Variants in LDHB observed in about 807,000 individuals in gnomAD.
LDHB encodes lactate dehydrogenase B.
Under a neutral mutation model 33.4 loss-of-function variants are expected in LDHB, and 18 were observed. The ratio of observed to expected loss-of-function variants is 0.54; its 90% CI spans 0.37 to 0.80. LDHB has a LOEUF of 0.80. Among genes scored for constraint, LDHB ranks in the 30% least tolerant of loss-of-function variants. The probability of loss-of-function intolerance (pLI) is 0.00; values close to 1 mark genes in which losing one functional copy is unlikely to be tolerated. For synonymous variants in LDHB, 121 were observed against 140.6 expected (o/e 0.86, Z 0.98); for missense variants, 345 against 407.9 (o/e 0.85, Z 1.33).
chr12:21,641,126 G>A (rs1938359869), intron 5 of LDHB, among the ~76,000 whole-genome samples: 1 of 152,124 alleles, frequency 6.6e-6, no homozygotes, highest in Non-Finnish European at 1.5e-5. Context: ...TGAGGAGTCA[G>A]ACATTTTCCT....
intron 1 of LDHB, among the ~76,000 whole-genome samples, chr12:21,655,748 C>T (rs942428134): frequency 6.6e-6 from 1 of 152,016 alleles, no homozygotes; most frequent in African/African-American, 2.4e-5. Flanking sequence ...AAAACAAAAC[C>T]GAAACCTGTT....
chr12:21,654,365 A>T (rs2136983996), intron 2 of LDHB, 178 bp downstream of exon 2: 1 of 623,684 alleles, frequency 1.6e-6, no homozygotes. Context: ...GGAGAATATA[A>T]TTCTTTTAGG....
At chr12:21,644,207 C>G (rs1938451859) in intron 3 of LDHB, 99 bp from the exon 4 acceptor site, 1 of 872,148 alleles carries the variant, frequency 1.1e-6, no homozygotes, top group Admixed American at 2.2e-5. Context: ...ACATAAGCTT[C>G]TAGAACATAT....
rs1565629895 is a variant in LDHB, at chr12:21,650,149, C to CT, written c.130-3134_130-3133insA. ...ACACACACACACACACACACACACA[C>CT]ACGTCTCTCTCTCCAAGTGTTTAGT... On this transcript the variant is annotated intron_variant, in intron 2 of 7. Transcript: ENST00000350669. Among the ~76,000 whole-genome samples the CT allele has an allele frequency of 6.9e-5, 10 of 145,754 alleles. 1 individual carries two copies. Among genetic ancestry groups the CT allele is most frequent in the African/African-American group, 2.7e-4 (10 of 37,586 alleles).
chr12:21,650,597 T>A (rs1446453364), intron 2 of LDHB, among the ~76,000 whole-genome samples: 2 of 152,168 alleles, frequency 1.3e-5, no homozygotes, highest in Non-Finnish European at 2.9e-5. Context: ...ACATGATGAG[T>A]TCGACATTCA....
At chr12:21,642,879 G>C (rs1021705529) in intron 4 of LDHB, among the ~76,000 whole-genome samples, 1 of 152,134 alleles carries the variant, frequency 6.6e-6, no homozygotes, top group Non-Finnish European at 1.5e-5. Context: ...ACTTTTCCTT[G>C]CCAACTTTGA....
chr12:21,643,855 A>G, intron 4 of LDHB, 80 bp downstream of exon 4: 1 of 1,113,208 alleles, frequency 9.0e-7, no homozygotes, highest in Non-Finnish European at 1.4e-6. Flanking sequence ...ACTGGGACTG[A>G]TTTTAGTCCA....
chr12:21,656,574 TATAA>T (rs1339392172), intron 1 of LDHB, among the ~76,000 whole-genome samples: 3 of 152,228 alleles, frequency 2.0e-5, no homozygotes, highest in African/African-American at 7.2e-5. Flanking sequence ...ACAGTGGCTA[TATAA>T]ATACAGATTC....
chr12:21,642,206 CT>C, intron 4 of LDHB, 81 bp from the exon 5 acceptor site: 1 of 901,368 alleles, frequency 1.1e-6, no homozygotes, highest in Non-Finnish European at 1.8e-6. Flanking sequence ...CCTGGCTTCC[CT>C]TTTCCCACTT....
chr12:21,644,124 CA>C lies in LDHB; in HGVS notation c.248-17del. On this transcript the variant is annotated splice_polypyrimidine_tract_variant and intron_variant, in intron 3 of 7. Coordinates refer to ENST00000350669, the MANE Select transcript of LDHB (RefSeq NM_002300.8). ...ACAGAATAATCTTTAAAAAGAAAAG[CA>C]AAAACAGGTACTTTAAATGCAACTC... is the stretch of plus-strand genomic sequence containing the variant. 6.3e-7 allele frequency: 1 copy of C among 1,580,856 alleles called. No individual in the cohort carries two copies. Among genetic ancestry groups the C allele is most frequent in the Non-Finnish European group, 8.7e-7 (1 of 1,150,668 alleles).
At chr12:21,655,082 C>G (rs1353324432) in intron 1 of LDHB, among the ~76,000 whole-genome samples, 1 of 152,034 alleles carries the variant, frequency 6.6e-6, no homozygotes, top group Non-Finnish European at 1.5e-5. Flanking sequence ...GATCTCACCA[C>G]TGCACCCCAG....
chr12:21,653,188 C>A (rs1415006256), intron 2 of LDHB, among the ~76,000 whole-genome samples: 5 of 152,076 alleles, frequency 3.3e-5, no homozygotes, highest in Admixed American at 1.3e-4. Flanking sequence ...AGGCAAAAAG[C>A]CTATGGAGGT....
intron 4 of LDHB, among the ~76,000 whole-genome samples, chr12:21,642,767 C>T (rs944913539): frequency 6.6e-6 from 1 of 152,150 alleles, no homozygotes; most frequent in Admixed American, 6.5e-5. Context: ...AAAATGTGCA[C>T]ACAAGGAAGG....
At chr12:21,645,374 C>A (rs948022983) in intron 3 of LDHB, among the ~76,000 whole-genome samples, 1 of 152,058 alleles carries the variant, frequency 6.6e-6, no homozygotes, top group African/African-American at 2.4e-5. Context: ...TCCCCCAGCC[C>A]GACACTGGTA....
intron 2 of LDHB, among the ~76,000 whole-genome samples, chr12:21,647,801 A>G (rs1338486169): frequency 8.5e-6 from 1 of 117,236 alleles, no homozygotes; most frequent in Non-Finnish European, 1.9e-5. Flanking sequence ...GGTTCAAGTG[A>G]TTTTCCAGCC....
Sources: gnomAD v4.1 joint callset for allele counts (sites outside exome capture counted in the v4.1 genomes callset) on GRCh38, gnomAD v4.1.1 for gene constraint, MANE v1.5 for transcripts, NCBI Gene and HGNC (gene_info 2026-07-23, HGNC 2026-07-21) for gene names.